EXOSC4: variants seen among roughly 807,000 people sequenced by gnomAD.
EXOSC4 encodes exosome component 4, also known as exosome complex component RRP41.
In EXOSC4, 14 loss-of-function variants were observed where a neutral mutation model predicts 20.0. That is an observed-to-expected ratio of 0.70 (90% CI 0.46 to 1.09). The LOEUF is 1.09. Ranked by LOEUF, EXOSC4 falls within the 50% of genes least tolerant of loss-of-function variation. The pLI, the probability that EXOSC4 is intolerant of heterozygous loss-of-function variation, is 0.00. For missense variants in EXOSC4, 337 were observed against 334.0 expected (o/e 1.01, Z -0.07); for synonymous variants, 148 against 146.4 (o/e 1.01, Z -0.08).
chr8:144,073,568 A>G, the EXOSC4 span, among the ~76,000 whole-genome samples: 2 of 150,232 alleles, frequency 1.3e-5, no homozygotes, highest in African/African-American at 4.9e-5. Context: ...AATACTAACG[A>G]CCGGCCGGGT....
At position 144,078,782 on chromosome 8, in the gene EXOSC4, C is replaced by A; in HGVS notation, c.54C>A (p.Arg18=). 1 of 1,546,282 alleles carries A rather than the reference C, an allele frequency of 6.5e-7. No homozygotes were observed. Among genetic ancestry groups the A allele is most frequent in the Non-Finnish European group, 8.7e-7 (1 of 1,149,262 alleles). The change falls in exon 1 of 3, where the codon CGC becomes CGA. Residue 18 remains arginine (R), a synonymous_variant. Transcript: ENST00000316052. The surrounding 1 kb of genome is among the most constrained non-coding windows in gnomAD (Gnocchi z 4.7). ...SDQGYRVDGR[R]AGELRKIQAR... Reference sequence around the variant, plus strand: ...AGGGCTACCGGGTGGACGGGCGGCGCGCCGGGGAGCTGCGCAAGATCCAGG... The same window carrying A: ...AGGGCTACCGGGTGGACGGGCGGCGAGCCGGGGAGCTGCGCAAGATCCAGG...
chr8:144,072,610 G>A, the EXOSC4 span, among the ~76,000 whole-genome samples: 2 of 152,044 alleles, frequency 1.3e-5, no homozygotes, highest in Non-Finnish European at 2.9e-5. Context: ...GTCTACCTCC[G>A]CAAGATCAAC....
the EXOSC4 span, among the ~76,000 whole-genome samples, chr8:144,065,459 G>A: frequency 4.6e-5 from 7 of 152,076 alleles, no homozygotes; most frequent in Admixed American, 2.0e-4. Context: ...CCGGGTGCAG[G>A]GGCTCACACC....
the EXOSC4 span, among the ~76,000 whole-genome samples, chr8:144,073,395 T>C: frequency 7.2e-4 from 109 of 151,574 alleles, no homozygotes; most frequent in African/African-American, 2.3e-3. Flanking sequence ...CAAAAAACAA[T>C]AACAAAGACC....
the EXOSC4 span, among the ~76,000 whole-genome samples, chr8:144,069,935 C>T: frequency 6.6e-6 from 1 of 152,252 alleles, no homozygotes; most frequent in South Asian, 2.1e-4. Context: ...TAGTCCAGAG[C>T]ATTAATTAGG....
Position 144,079,973 on chromosome 8 carries a change from G to A in EXOSC4, c.202G>A (p.Asp68Asn). 6.2e-7 allele frequency: 1 copy of A among 1,613,032 alleles called. No homozygotes were observed. Among genetic ancestry groups the A allele is most frequent in the East Asian group, 2.2e-5 (1 of 44,886 alleles). Reference sequence around the variant, plus strand: ...GGGCTCCCGGGCTCGAGCCCTGCCGGACAGGGCCCTAGTGAACTGTCAATA... The same window carrying A: ...GGGCTCCCGGGCTCGAGCCCTGCCGAACAGGGCCCTAGTGAACTGTCAATA... ...IRGSRARALP[D>N]RALVNCQYSS... The change falls in exon 2 of 3, where the codon GAC becomes AAC. Residue 68 changes from aspartate to asparagine, a missense_variant. Transcript: ENST00000316052.
At position 144,080,036 on chromosome 8, in the gene EXOSC4, C is replaced by T. The variant is rs782417114; in HGVS notation, c.265C>T (p.Arg89Trp). The T allele has an allele frequency of 1.2e-6, 2 of 1,614,108 alleles. No homozygotes were observed. Among genetic ancestry groups the T allele is most frequent in the South Asian group, 1.1e-5 (1 of 91,088 alleles). ...CTTCAGCACAGGTGAGCGCAAGCGA[C>T]GGCCACATGGGGACCGTAAGTCCTG... ...ATFSTGERKR[R>W]PHGDRKSCEM... Residue 89 changes from arginine to tryptophan, a missense_variant, in exon 2 of 3, where the codon CGG (arginine) becomes TGG (tryptophan). Arg to Trp is a moderately radical substitution (Grantham distance 101, BLOSUM62 -3). Coordinates refer to ENST00000316052, the MANE Select transcript of EXOSC4 (RefSeq NM_019037.3). The surrounding 1 kb of genome is among the most constrained non-coding windows in gnomAD (Gnocchi z 4.9).
the EXOSC4 span, among the ~76,000 whole-genome samples, chr8:144,065,773 G>T: frequency 6.6e-6 from 1 of 151,364 alleles, no homozygotes; most frequent in Non-Finnish European, 1.5e-5. Context: ...GGAAGAAAAT[G>T]GAGTAGAGTA....
upstream of EXOSC4, among the ~76,000 whole-genome samples, chr8:144,076,572 C>T (rs1008053481): frequency 2.0e-5 from 3 of 152,110 alleles, no homozygotes; most frequent in African/African-American, 7.2e-5. Flanking sequence ...AGGTTGGAGG[C>T]CTGGTTCCTG....
In EXOSC4 at chr8:144,078,772, A is replaced by G; in HGVS notation, c.44A>G (p.Asp15Gly). 1 of 1,537,292 alleles carries G rather than the reference A, an allele frequency of 6.5e-7. No individual in the cohort carries two copies. Among genetic ancestry groups the G allele is most frequent in the East Asian group, 2.6e-5 (1 of 38,726 alleles). The change falls in exon 1 of 3, where the codon GAC becomes GGC. Residue 15 changes from aspartate (D) to glycine (G), a missense_variant. Asp to Gly is a moderately conservative substitution (Grantham distance 94). Coordinates refer to ENST00000316052, the MANE Select transcript of EXOSC4 (RefSeq NM_019037.3). This position sits in a 1 kb window ranked among gnomAD's most constrained non-coding sequence, Gnocchi z 4.7. The part of the protein sequence containing the change: ...ELLSDQGYRV[D>G]GRRAGELRKI... ...TTGTCGGACCAGGGCTACCGGGTGG[A>G]CGGGCGGCGCGCCGGGGAGCTGCGC... is the stretch of plus-strand genomic sequence containing the variant.
the EXOSC4 span, among the ~76,000 whole-genome samples, chr8:144,065,781 G>A: frequency 4.0e-5 from 6 of 150,566 alleles, no homozygotes; most frequent in South Asian, 2.1e-4. Context: ...ATGGAGTAGA[G>A]TATTTTTATT....
chr8:144,079,071 C>T, intron 1 of EXOSC4, 172 bp downstream of exon 1: 2 of 723,148 alleles, frequency 2.8e-6, no homozygotes, highest in Non-Finnish European at 4.0e-6. Flanking sequence ...GTGTGCTGCG[C>T]GGTGGTCCTG....
At chr8:144,075,469 G>A (rs1213868664), upstream of EXOSC4, among the ~76,000 whole-genome samples, 1 of 152,068 alleles carries the variant, frequency 6.6e-6, no homozygotes, top group African/African-American at 2.4e-5. Flanking sequence ...CTCGTGATCT[G>A]CCCGCCTCGG....
chr8:144,073,436 T>C, the EXOSC4 span, among the ~76,000 whole-genome samples: 1 of 152,112 alleles, frequency 6.6e-6, no homozygotes, highest in Non-Finnish European at 1.5e-5. Context: ...GGAGCAGCGA[T>C]TCGTTCTTCC....
chr8:144,065,195 G>C, the EXOSC4 span, among the ~76,000 whole-genome samples: 1 of 152,030 alleles, frequency 6.6e-6, no homozygotes, highest in Non-Finnish European at 1.5e-5. Context: ...TGGTTTTCTG[G>C]CTTTTTCTTA....
chr8:144,080,361 C>A lies in EXOSC4; in HGVS notation c.498C>A (p.Asp166Glu). Residue 166 changes from aspartate (D) to glutamate (E), a missense_variant, in exon 3 of 3, where the codon GAC becomes GAA. Transcript: ENST00000316052. This position sits in a 1 kb window ranked among gnomAD's most constrained non-coding sequence, Gnocchi z 4.9. ...GTGCGTGCTCAGCTGGCTTCGTGGA[C>A]GGCACAGCCCTGGCGGACCTCAGCC... is the stretch of plus-strand genomic sequence containing the variant. ...FVCACSAGFV[D>E]GTALADLSHV... 8 of 1,612,954 alleles carry A rather than the reference C, an allele frequency of 5.0e-6. No individual in the cohort carries two copies. Among genetic ancestry groups the A allele is most frequent in the Non-Finnish European group, 6.8e-6 (8 of 1,180,022 alleles).
chr8:144,075,505 C>T (rs927891433), upstream of EXOSC4, among the ~76,000 whole-genome samples: 3 of 152,106 alleles, frequency 2.0e-5, no homozygotes, highest in Non-Finnish European at 4.4e-5. Context: ...GGATTACAGG[C>T]GTGAGCCACC....
rs1327514168 is a variant in EXOSC4, at chr8:144,078,832, C to T, written c.104C>T (p.Ala35Val). Residue 35 changes from alanine to valine, a missense_variant, in exon 1 of 3, where the codon GCT becomes GTT. Ala to Val is a moderately conservative substitution (Grantham distance 64). Coordinates refer to ENST00000316052, the MANE Select transcript of EXOSC4 (RefSeq NM_019037.3). The surrounding 1 kb of genome is among the most constrained non-coding windows in gnomAD (Gnocchi z 4.7). ...GCGCGGATGGGCGTGTTCGCGCAGG[C>T]TGACGGCTCGGCCTACATTGAGCAG... ...IQARMGVFAQ[A>V]DGSAYIEQGN... The T allele has an allele frequency of 2.5e-6, 4 of 1,581,038 alleles. No individual in the cohort carries two copies. The highest frequency in any genetic ancestry group is 3.4e-6 in the Non-Finnish European group (4 of 1,166,336).
In EXOSC4 at chr8:144,079,028, C is replaced by T. The variant is rs576946586; in HGVS notation, c.171+129C>T. ...CAGTCTACACAGCCGATGCTCAGCA[C>T]CGCATCTCACTCGGAGTAAACGCAA... is the stretch of plus-strand genomic sequence containing the variant. On this transcript the variant is annotated intron_variant, in intron 1 of 2. Coordinates refer to ENST00000316052, the MANE Select transcript of EXOSC4 (RefSeq NM_019037.3). 763 of 1,072,456 alleles carry T rather than the reference C, an allele frequency of 7.1e-4. 7 individuals are homozygous for T. The African/African-American group carries it at 0.012, about 17-fold the overall frequency. 66.4% of individuals were successfully genotyped at this position (1,072,456 alleles called of 1,614,324 possible).
Sources: gnomAD v4.1 joint callset for allele counts (sites outside exome capture counted in the v4.1 genomes callset) on GRCh38, gnomAD v4.1.1 for gene constraint, Gnocchi (gnomAD v3.1) non-coding constraint, MANE v1.5 for transcripts, NCBI Gene and HGNC (gene_info 2026-07-23, HGNC 2026-07-21) for gene names.